VPS13B: variants seen among roughly 807,000 people sequenced by gnomAD.
The protein encoded by VPS13B is intermembrane lipid transfer protein VPS13B.
A neutral mutation model predicts 426.4 loss-of-function variants in VPS13B; 285 were observed. That is an observed-to-expected ratio of 0.67 (90% CI 0.61 to 0.74). The LOEUF (loss-of-function observed/expected upper bound fraction) is 0.74. Ranked by LOEUF, VPS13B falls within the 30% of genes least tolerant of loss-of-function variation. The pLI is 0.00. For missense variants in VPS13B, 4,537 were observed against 4,782.6 expected, an observed-to-expected ratio of 0.95 and a Z score of 1.51; for synonymous variants, 1,676 against 1,676.4, an observed-to-expected ratio of 1.00 and a Z score of 0.01.
At chr8:99,587,370 T>C (rs1337098891) in intron 33 of VPS13B, among the ~76,000 whole-genome samples, 1 of 149,372 alleles carries the variant, frequency 6.7e-6, no homozygotes, top group Non-Finnish European at 1.5e-5. Flanking sequence ...ATGGTATTTC[T>C]AGTTCTAGAT....
In VPS13B at chr8:99,738,062, G is replaced by C. The variant is rs76095224; in HGVS notation, c.7050+17015G>C. ...CTGAACCCTGATTCTCAAAGGACTC[G>C]TTATCACTACAACTAGCTCTCTTAA... On this transcript the variant is annotated intron_variant, in intron 39 of 61. Coordinates refer to ENST00000357162, the MANE Select transcript of VPS13B (RefSeq NM_152564.5). Among the ~76,000 whole-genome samples, 1,074 of 152,242 alleles carry C rather than the reference G, an allele frequency of 7.1e-3. 11 individuals are homozygous for C. The highest frequency in any genetic ancestry group is 0.024 in the African/African-American group (1,012 of 41,540).
At chr8:99,110,408 C>G (rs1032727342) in intron 5 of VPS13B, among the ~76,000 whole-genome samples, 3 of 151,712 alleles carry the variant, frequency 2.0e-5, no homozygotes, top group African/African-American at 4.8e-5. Context: ...ATTTTTATTC[C>G]TTTGAAAATA....
At chr8:99,112,867 A>G (rs1479190985) in intron 6 of VPS13B, among the ~76,000 whole-genome samples, 3 of 152,200 alleles carry the variant, frequency 2.0e-5, no homozygotes, top group African/African-American at 2.4e-5. Flanking sequence ...TGTGTTCTCA[A>G]AACTGATTAG....
intron 31 of VPS13B, among the ~76,000 whole-genome samples, chr8:99,569,997 A>G (rs1182195688): frequency 6.6e-6 from 1 of 152,242 alleles, no homozygotes; most frequent in Non-Finnish European, 1.5e-5. Context: ...TATGTGGACA[A>G]TATAGACATA....
At chr8:99,260,924 G>A (rs1818006656) in intron 17 of VPS13B, among the ~76,000 whole-genome samples, 1 of 151,884 alleles carries the variant, frequency 6.6e-6, no homozygotes, top group Non-Finnish European at 1.5e-5. Flanking sequence ...AATGGAACAA[G>A]TTACTTAAGT....
At chr8:99,519,502 T>C (rs1277189039) in intron 29 of VPS13B, among the ~76,000 whole-genome samples, 5 of 152,122 alleles carry the variant, frequency 3.3e-5, no homozygotes, top group Non-Finnish European at 7.4e-5. Flanking sequence ...CACATGCACA[T>C]GTATGTTTGT....
intron 33 of VPS13B, among the ~76,000 whole-genome samples, chr8:99,588,303 T>C (rs1826416186): frequency 6.6e-6 from 1 of 151,834 alleles, no homozygotes; most frequent in South Asian, 2.1e-4. Flanking sequence ...CAATGAGGGC[T>C]CTTTTTTGGT....
chr8:99,616,317 A>T lies in VPS13B; in HGVS notation c.5221-25494A>T, dbSNP rs187665533. On this transcript the variant is annotated intron_variant, in intron 33 of 61. Coordinates refer to ENST00000357162, the MANE Select transcript of VPS13B (RefSeq NM_152564.5). ...TTACTACCTAGATGGATAATTTTTT[A>T]AAAAAAATCTCACGAGATAATGAGT... 1.5e-3 allele frequency among the ~76,000 whole-genome samples: 230 copies of T among 152,166 alleles called. 1 individual carries two copies. The highest frequency in any genetic ancestry group is 2.3e-3 in the East Asian group (12 of 5,176).
intron 43 of VPS13B, among the ~76,000 whole-genome samples, chr8:99,790,207 C>G (rs1224049571): frequency 6.6e-6 from 1 of 152,144 alleles, no homozygotes; most frequent in African/African-American, 2.4e-5. Flanking sequence ...GACTACAGCT[C>G]AAGCAATTTT....
intron 43 of VPS13B, among the ~76,000 whole-genome samples, chr8:99,786,237 G>A (rs762093011): frequency 1.3e-5 from 2 of 152,126 alleles, no homozygotes; most frequent in African/African-American, 2.4e-5. Context: ...ATACTCATTT[G>A]CACTATTTCA....
chr8:99,445,582 T>C (rs1817875080), intron 23 of VPS13B, among the ~76,000 whole-genome samples: 2 of 151,196 alleles, frequency 1.3e-5, no homozygotes, highest in African/African-American at 4.8e-5. Flanking sequence ...TAAAAAGTTT[T>C]CCTGTGCTAT....
intron 19 of VPS13B, among the ~76,000 whole-genome samples, chr8:99,292,155 C>G (rs1218546001): frequency 6.6e-6 from 1 of 152,000 alleles, no homozygotes; most frequent in Non-Finnish European, 1.5e-5. Flanking sequence ...CTTAGAATAA[C>G]AAATGCAGAA....
In VPS13B at chr8:99,580,249, CTA is replaced by C. The variant is rs576826746; in HGVS notation, c.5220+2618_5220+2619del. Among the ~76,000 whole-genome samples the C allele has an allele frequency of 3.4e-3, 519 of 150,620 alleles. 2 individuals are homozygous for C. Among genetic ancestry groups the C allele is most frequent in the African/African-American group, 0.012 (497 of 41,170 alleles). On this transcript the variant is annotated intron_variant, in intron 33 of 61. Coordinates refer to ENST00000357162, the MANE Select transcript of VPS13B (RefSeq NM_152564.5). ...TCTGTTCTAAGTCCACCATCTGATA[CTA>C]TGTTGATGCAACATAGTTCTATAAG...
chr8:99,641,954 T>C lies in VPS13B; in HGVS notation c.5364T>C (p.Gly1788=). The change falls in exon 34 of 62, where the codon GGT becomes GGC. Residue 1788 remains glycine (G), a synonymous_variant. Transcript: ENST00000357162. Reference sequence around the variant, plus strand: ...TAGTGCAAATAGAGCAGCACAGTGGTGCCAGTCAGCATCGCATTGCCCGTC... The same window carrying C: ...TAGTGCAAATAGAGCAGCACAGTGGCGCCAGTCAGCATCGCATTGCCCGTC... ...IRIVQIEQHS[G]ASQHRIARPS... 1.2e-6 allele frequency: 2 copies of C among 1,614,112 alleles called. No homozygotes were observed. The highest frequency in any genetic ancestry group is 1.7e-6 in the Non-Finnish European group (2 of 1,180,018).
chr8:99,410,557 T>C (rs1312288428), intron 21 of VPS13B, among the ~76,000 whole-genome samples: 1 of 151,046 alleles, frequency 6.6e-6, no homozygotes, highest in East Asian at 1.9e-4. Flanking sequence ...TTTATTTATT[T>C]ATTTATTTAT....
chr8:99,367,646 A>C (rs947614129), intron 19 of VPS13B, among the ~76,000 whole-genome samples: 1 of 152,060 alleles, frequency 6.6e-6, no homozygotes, highest in East Asian at 1.9e-4. Context: ...GACCTTTTGA[A>C]TTTATTTTCT....
chr8:99,026,557 T>A (rs1056002439), intron 2 of VPS13B, among the ~76,000 whole-genome samples: 6 of 152,248 alleles, frequency 3.9e-5, no homozygotes. Flanking sequence ...AGTCCCCAAC[T>A]ATTATTGTAA....
intron 19 of VPS13B, among the ~76,000 whole-genome samples, chr8:99,357,894 G>C (rs1332738311): frequency 6.6e-6 from 1 of 152,122 alleles, no homozygotes; most frequent in Non-Finnish European, 1.5e-5. Context: ...AGGCGCAGAA[G>C]TCAGATAGAC....
At chr8:99,443,470 T>A (rs1485993548) in intron 23 of VPS13B, among the ~76,000 whole-genome samples, 2 of 152,144 alleles carry the variant, frequency 1.3e-5, no homozygotes, top group Non-Finnish European at 2.9e-5. Context: ...TTTTCTTATA[T>A]TCATTAAAAG....
Sources: gnomAD v4.1 joint callset for allele counts (sites outside exome capture counted in the v4.1 genomes callset) on GRCh38, gnomAD v4.1.1 for gene constraint, MANE v1.5 for transcripts, NCBI Gene and HGNC (gene_info 2026-07-23, HGNC 2026-07-21) for gene names.